Variants in TMED10 observed in about 807,000 individuals in gnomAD.
TMED10 encodes the protein transmembrane emp24 domain-containing protein 10.
Under a neutral mutation model 23.1 loss-of-function variants are expected in TMED10, and 7 were observed. That is an observed-to-expected ratio of 0.30 (90% CI 0.17 to 0.57). The LOEUF (loss-of-function observed/expected upper bound fraction) is 0.57, where lower values mean the gene tolerates loss of function less well. Ranked by LOEUF, TMED10 falls within the 20% of genes least tolerant of loss-of-function variation. The probability of loss-of-function intolerance (pLI) is 0.91; values close to 1 mark genes in which losing one functional copy is unlikely to be tolerated. For synonymous variants in TMED10, 113 were observed against 106.9 expected (o/e 1.06, Z -0.35); for missense variants, 162 against 274.8 (o/e 0.59, Z 2.90).
chr14:75,137,911 G>A (rs950439936), intron 3 of TMED10, among the ~76,000 whole-genome samples: 3 of 151,858 alleles, frequency 2.0e-5, no homozygotes, highest in Non-Finnish European at 2.9e-5. Flanking sequence ...ATTTCACCAC[G>A]TTGGCCAGGC....
rs1371109966 is a variant in TMED10 at position 75,135,900 on chromosome 14, G to A, written c.412-14C>T. 1 of 1,612,866 alleles carries A rather than the reference G, an allele frequency of 6.2e-7. No individual in the cohort carries two copies. The highest frequency in any genetic ancestry group is 1.1e-5 in the South Asian group (1 of 90,780). On this transcript the variant is annotated splice_polypyrimidine_tract_variant and intron_variant, in intron 3 of 4. Coordinates refer to ENST00000303575, the MANE Select transcript of TMED10 (RefSeq NM_006827.6). Reference sequence around the variant, plus strand: ...AACTTTTGCAATCTGGAAAAGAATGGAATATTTTCAGCTCTCTGAAAACAT... The same window carrying A: ...AACTTTTGCAATCTGGAAAAGAATGAAATATTTTCAGCTCTCTGAAAACAT...
Position 75,134,716 on chromosome 14 carries a change from T to C in TMED10, c.*169A>G, listed in dbSNP as rs1414750567. The C allele has an allele frequency of 3.9e-6, 3 of 766,602 alleles. No individual in the cohort carries two copies. Among genetic ancestry groups the C allele is most frequent in the East Asian group, 2.7e-5 (1 of 36,516 alleles). 47.5% of individuals were successfully genotyped at this position (766,602 alleles called of 1,614,324 possible). On this transcript the variant is annotated 3_prime_UTR_variant, in exon 5 of 5. Transcript: ENST00000303575. ...TAAAAAGAAGTCCCTCATTGACTTGTTGGGTGTAGGTGGTACCCCATGTCC... is the reference window on the plus strand; with the variant it reads ...TAAAAAGAAGTCCCTCATTGACTTGCTGGGTGTAGGTGGTACCCCATGTCC...
At chr14:75,176,210 G>T in intron 1 of TMED10, 145 bp downstream of exon 1, 1 of 977,282 alleles carries the variant, frequency 1.0e-6, no homozygotes, top group Non-Finnish European at 1.5e-6. Context: ...GGGGTGAGGG[G>T]GCGGGCTCCA....
intron 1 of TMED10, among the ~76,000 whole-genome samples, chr14:75,168,134 T>C (rs1896187534): frequency 6.6e-6 from 1 of 152,102 alleles, no homozygotes; most frequent in Admixed American, 6.6e-5. Flanking sequence ...CATTTATCTC[T>C]CTCTGCTTCA....
intron 1 of TMED10, among the ~76,000 whole-genome samples, chr14:75,171,267 T>C (rs1301162671): frequency 2.0e-5 from 3 of 150,878 alleles, no homozygotes; most frequent in African/African-American, 7.3e-5. Flanking sequence ...AAAGATACTA[T>C]GCTACTGGCT....
Position 75,176,477 on chromosome 14 carries a change from G to A in TMED10, c.103C>T (p.His35Tyr). The change falls in exon 1 of 5, where the codon CAT (histidine) becomes TAT (tyrosine). Residue 35 changes from histidine (H) to tyrosine (Y), a missense_variant. His to Tyr is a moderately conservative substitution (Grantham distance 83). Around this residue, in one of 2 missense-constraint regions of TMED10, gnomAD observed 126 missense variants for 239.5 expected, o/e 0.53. Coordinates refer to ENST00000303575, the MANE Select transcript of TMED10 (RefSeq NM_006827.6). ...GPRLVLAISF[H>Y]LPINSRKCLR... ...CACTTGCGAGAGTTAATGGGCAGAT[G>A]GAAGGAGATGGCAAGGACCAATCTG... 1 of 1,614,220 alleles carries A rather than the reference G, an allele frequency of 6.2e-7. No individual in the cohort carries two copies. Among genetic ancestry groups the A allele is most frequent in the South Asian group, 1.1e-5 (1 of 91,086 alleles).
intron 1 of TMED10, among the ~76,000 whole-genome samples, chr14:75,164,546 TA>T (rs1566675076): frequency 0.43 from 14,343 of 33,504 alleles, 2,529 homozygotes; most frequent in East Asian, 0.61. Context: ...TATATATATA[TA>T]TATATATATA....
rs1047966676 is a variant in TMED10 at position 75,133,704 on chromosome 14, A to G, written c.*1181T>C. ...TGTTCACATAAAAACCTGTACATGA[A>G]TGTTCACAGCAGCTTTATTAGGGCA... is the stretch of plus-strand genomic sequence containing the variant. On this transcript the variant is annotated 3_prime_UTR_variant, in exon 5 of 5. Coordinates refer to ENST00000303575, the MANE Select transcript of TMED10 (RefSeq NM_006827.6). 4 of 165,206 alleles carry G rather than the reference A, an allele frequency of 2.4e-5. No homozygotes were observed. The highest frequency in any genetic ancestry group is 5.3e-5 in the Non-Finnish European group (4 of 75,094). 10.2% of individuals were successfully genotyped at this position (165,206 alleles called of 1,614,324 possible).
chr14:75,168,354 T>C (rs72736281), intron 1 of TMED10, among the ~76,000 whole-genome samples: 467 of 152,308 alleles, frequency 3.1e-3, no homozygotes, highest in Middle Eastern at 6.8e-3. Flanking sequence ...AAATATTACA[T>C]AAATATTTGT....
chr14:75,166,636 C>T (rs1271814567), intron 1 of TMED10, among the ~76,000 whole-genome samples: 2 of 152,132 alleles, frequency 1.3e-5, no homozygotes, highest in East Asian at 3.8e-4. Flanking sequence ...GCAATGTATC[C>T]TTTAACTTTT....
chr14:75,169,606 C>T (rs1896205987), intron 1 of TMED10, among the ~76,000 whole-genome samples: 1 of 151,872 alleles, frequency 6.6e-6, no homozygotes, highest in Admixed American at 6.6e-5. Flanking sequence ...TGCAGTGAGC[C>T]GAGATCATGC....
Position 75,176,511 on chromosome 14 carries a change from C to A in TMED10, c.69G>T (p.Leu23=). 6.2e-7 allele frequency: 1 copy of A among 1,614,180 alleles called. No homozygotes were observed. Among genetic ancestry groups the A allele is most frequent in the South Asian group, 1.1e-5 (1 of 91,084 alleles). Residue 23 remains leucine (L), a synonymous_variant, in exon 1 of 5, where the codon CTG becomes CTT. Coordinates refer to ENST00000303575, the MANE Select transcript of TMED10 (RefSeq NM_006827.6). The stretch of plus-strand genomic sequence containing the variant: ...TGGCAAGGACCAATCTGGGGCCGAG[C>A]AGGAACAAAAGCAGCAACGCTAACG... ...PFPLALLLLF[L]LGPRLVLAIS...
At chr14:75,143,597 C>T (rs1011484462) in intron 3 of TMED10, among the ~76,000 whole-genome samples, 7 of 152,104 alleles carry the variant, frequency 4.6e-5, no homozygotes, top group Admixed American at 2.6e-4. Flanking sequence ...ACTCCAGGAG[C>T]ACAGCAATAA....
In TMED10 at chr14:75,133,122, T is replaced by G. The variant is rs763753456; in HGVS notation, c.*1763A>C. On this transcript the variant is annotated 3_prime_UTR_variant, in exon 5 of 5. Coordinates refer to ENST00000303575, the MANE Select transcript of TMED10 (RefSeq NM_006827.6). ...TATTTTATACATCATATCTCTTAAT[T>G]CTCTAGATGGAACACTGAAGGACAG... The G allele has an allele frequency of 3.9e-5, 6 of 152,190 alleles. No homozygotes were observed. The highest frequency in any genetic ancestry group is 5.9e-5 in the Non-Finnish European group (4 of 68,036). 9.4% of individuals were successfully genotyped at this position (152,190 alleles called of 1,614,324 possible). A position where few individuals can be genotyped will look rare whatever the true frequency, so the allele number is the denominator to read the frequency against.
intron 1 of TMED10, among the ~76,000 whole-genome samples, chr14:75,175,517 C>T (rs1194153200): frequency 1.3e-5 from 2 of 150,536 alleles, no homozygotes; most frequent in Non-Finnish European, 2.9e-5. Flanking sequence ...CGCATGTTCT[C>T]ACTCATAGGT....
chr14:75,140,218 A>T (rs1320933201), intron 3 of TMED10, among the ~76,000 whole-genome samples: 1 of 152,026 alleles, frequency 6.6e-6, no homozygotes, highest in Non-Finnish European at 1.5e-5. Flanking sequence ...CTCCTGCCTC[A>T]GCCTCCCAAG....
At chr14:75,163,048 A>G (rs1896103064) in intron 1 of TMED10, among the ~76,000 whole-genome samples, 1 of 152,004 alleles carries the variant, frequency 6.6e-6, no homozygotes, top group African/African-American at 2.4e-5. Flanking sequence ...CAGCCTGGGC[A>G]ACACAGGAAG....
chr14:75,154,186 G>A (rs1374850713), intron 1 of TMED10, among the ~76,000 whole-genome samples: 2 of 147,130 alleles, frequency 1.4e-5, no homozygotes, highest in Non-Finnish European at 3.0e-5. Flanking sequence ...GAGGTCAGGA[G>A]TTTGAGACCA....
At chr14:75,155,251 C>T (rs542359100) in intron 1 of TMED10, among the ~76,000 whole-genome samples, 3 of 152,178 alleles carry the variant, frequency 2.0e-5, no homozygotes, top group Non-Finnish European at 2.9e-5. Flanking sequence ...TGAGCCACCA[C>T]GCCCGGCCTA....
Sources: gnomAD v4.1 joint callset for allele counts (sites outside exome capture counted in the v4.1 genomes callset) on GRCh38, gnomAD v4.1.1 for gene constraint, gnomAD v4.1.1 regional missense constraint, MANE v1.5 for transcripts, NCBI Gene and HGNC (gene_info 2026-07-23, HGNC 2026-07-21) for gene names.